VWA8: variants seen among roughly 807,000 people sequenced by gnomAD.
VWA8 encodes von Willebrand factor A domain-containing protein 8.
Under a neutral mutation model 241.5 loss-of-function variants are expected in VWA8, and 221 were observed. The observed-to-expected ratio is 0.91, with a 90% CI of 0.82 to 1.02. VWA8 has a LOEUF of 1.02. VWA8 is among the 50% of genes least tolerant of loss of function. The probability of loss-of-function intolerance (pLI) is 0.00; values close to 1 mark genes in which losing one functional copy is unlikely to be tolerated. For missense variants in VWA8, 2,322 were observed against 2,328.7 expected (o/e 1.00, Z 0.06); for synonymous variants, 852 against 827.1 (o/e 1.03, Z -0.52).
chr13:41,814,957 G>C (rs1178063311), intron 16 of VWA8, among the ~76,000 whole-genome samples: 1 of 152,158 alleles, frequency 6.6e-6, no homozygotes, highest in Non-Finnish European at 1.5e-5. Context: ...CAAAGAGTAA[G>C]AAGCCCTATA....
At chr13:41,951,738 C>A (rs534856677) in intron 1 of VWA8, among the ~76,000 whole-genome samples, 2 of 152,306 alleles carry the variant, frequency 1.3e-5, no homozygotes, top group East Asian at 3.9e-4. Flanking sequence ...GGCCTTAAAT[C>A]ATGGTACTAA....
chr13:41,881,379 G>T lies in VWA8; in HGVS notation c.1080+2008C>A, dbSNP rs1255791807. Among the ~76,000 whole-genome samples, 85 of 49,304 alleles carry T rather than the reference G, an allele frequency of 1.7e-3. 10 individuals are homozygous for T. The highest frequency in any genetic ancestry group is 5.6e-3 in the African/African-American group (79 of 14,064). The allele number at this position is 49,304 out of a possible 152,430, so 32.3% of individuals were successfully genotyped here. ...ATCATAGTTTTTTTTTGCCGGGGGGGGGGGGGGGGGGGTAAGGTCACAGAT... is the reference window on the plus strand; with the variant it reads ...ATCATAGTTTTTTTTTGCCGGGGGGTGGGGGGGGGGGGTAAGGTCACAGAT... On this transcript the variant is annotated intron_variant, in intron 9 of 44. Transcript: ENST00000379310.
intron 17 of VWA8, among the ~76,000 whole-genome samples, chr13:41,791,804 G>A (rs1000157498): frequency 2.6e-5 from 4 of 151,544 alleles, no homozygotes; most frequent in Non-Finnish European, 5.9e-5. Context: ...TGGACAGATG[G>A]GCTGTTTCCA....
intron 39 of VWA8, 128 bp from the exon 40 acceptor site, chr13:41,605,404 G>A: frequency 1.2e-6 from 1 of 837,928 alleles, no homozygotes; most frequent in South Asian, 1.5e-5. Flanking sequence ...AGGAGAAAAG[G>A]CAAGAAGTGA....
chr13:41,711,842 C>G (rs758979798), intron 26 of VWA8, among the ~76,000 whole-genome samples: 1 of 151,850 alleles, frequency 6.6e-6, no homozygotes, highest in Non-Finnish European at 1.5e-5. Context: ...CCACTGCACT[C>G]CAGCCTGGGC....
At chr13:41,868,533 GCTAT>G in intron 9 of VWA8, 56 bp from the exon 10 acceptor site, 4 of 1,548,176 alleles carry the variant, frequency 2.6e-6, no homozygotes, top group Non-Finnish European at 2.6e-6. Context: ...ATTAACATTG[GCTAT>G]CTGACAGATT....
chr13:41,686,798 T>C (rs2045139376), intron 34 of VWA8, among the ~76,000 whole-genome samples: 1 of 152,154 alleles, frequency 6.6e-6, no homozygotes. Context: ...TGCTCCACTC[T>C]ACCTGCTTGG....
chr13:41,659,429 T>C (rs2044933481), intron 37 of VWA8, among the ~76,000 whole-genome samples: 1 of 152,238 alleles, frequency 6.6e-6, no homozygotes, highest in Admixed American at 6.5e-5. Context: ...TTTGTCTCTG[T>C]ACACTGAGAA....
At chr13:41,616,422 C>T (rs1312220254) in intron 37 of VWA8, among the ~76,000 whole-genome samples, 1 of 152,074 alleles carries the variant, frequency 6.6e-6, no homozygotes, top group Non-Finnish European at 1.5e-5. Context: ...CACACATAAT[C>T]ATGCTCTAAA....
At position 41,664,092 on chromosome 13, in the gene VWA8, C is replaced by T. The variant is rs116090276; in HGVS notation, c.4611+6854G>A. The stretch of plus-strand genomic sequence containing the variant: ...TTCTTGGTTTACTCCCTTTTTTTAG[C>T]GACAGCACATCATGCAGTAGCTTCT... On this transcript the variant is annotated intron_variant, in intron 37 of 44. Transcript: ENST00000379310. 2.1e-3 allele frequency among the ~76,000 whole-genome samples: 312 copies of T among 151,894 alleles called. 2 individuals are homozygous for T. Among genetic ancestry groups the T allele is most frequent in the South Asian group, 0.011 (54 of 4,802 alleles).
chr13:41,757,528 C>T (rs755253749), intron 21 of VWA8, among the ~76,000 whole-genome samples: 1 of 151,462 alleles, frequency 6.6e-6, no homozygotes, highest in Non-Finnish European at 1.5e-5. Flanking sequence ...TAGGGTATGA[C>T]TGATCCTGCC....
intron 22 of VWA8, among the ~76,000 whole-genome samples, chr13:41,729,932 T>G (rs1014851411): frequency 1.3e-5 from 2 of 152,044 alleles, no homozygotes; most frequent in African/African-American, 4.8e-5. Flanking sequence ...TCTTTTTATT[T>G]CATTTTAGTA....
At chr13:41,691,691 T>C (rs1048295470) in intron 31 of VWA8, among the ~76,000 whole-genome samples, 183 bp downstream of exon 31, 1 of 152,110 alleles carries the variant, frequency 6.6e-6, no homozygotes, top group Admixed American at 6.6e-5. Flanking sequence ...TGTCATGGAA[T>C]TGTGAGCACT....
chr13:41,701,510 T>G lies in VWA8; in HGVS notation c.3246A>C (p.Ile1082=). Residue 1082 remains isoleucine, a synonymous_variant, in exon 28 of 45, where the codon ATA becomes ATC. Coordinates refer to ENST00000379310, the MANE Select transcript of VWA8 (RefSeq NM_015058.2). ...IDIKGPALIN[I]QEYPIERHEE... ...CATGTCTTTCTATTGGATACTCCTGTATATTTATAAGTGCTGGACCCTATA... is the reference window on the plus strand; with the variant it reads ...CATGTCTTTCTATTGGATACTCCTGGATATTTATAAGTGCTGGACCCTATA... 1.2e-6 allele frequency: 2 copies of G among 1,608,802 alleles called. No individual in the cohort carries two copies. Among genetic ancestry groups the G allele is most frequent in the Non-Finnish European group, 1.7e-6 (2 of 1,177,958 alleles).
intron 2 of VWA8, among the ~76,000 whole-genome samples, chr13:41,947,862 G>C (rs147380262): frequency 1.5e-3 from 224 of 150,000 alleles, no homozygotes; most frequent in African/African-American, 5.2e-3. Context: ...AACCTGGGAG[G>C]GGGAGGTTGC....
chr13:41,912,275 ATG>A (rs1415527384), intron 2 of VWA8, 107 bp from the exon 3 acceptor site: 19 of 822,986 alleles, frequency 2.3e-5, no homozygotes, highest in Non-Finnish European at 3.1e-5. Context: ...TATATAAAAT[ATG>A]TGTTTATCTG....
chr13:41,757,007 T>C (rs2045698896), intron 21 of VWA8, among the ~76,000 whole-genome samples: 1 of 151,728 alleles, frequency 6.6e-6, no homozygotes, highest in African/African-American at 2.4e-5. Flanking sequence ...AACTCAAAAG[T>C]TGGAATTATG....
chr13:41,865,588 C>T, intron 12 of VWA8, 148 bp downstream of exon 12: 1 of 777,282 alleles, frequency 1.3e-6, no homozygotes, highest in East Asian at 2.8e-5. Context: ...ATTATAATTG[C>T]ACTTTAATTT....
chr13:41,954,381 A>G (rs1196942834), intron 1 of VWA8, among the ~76,000 whole-genome samples: 1 of 152,114 alleles, frequency 6.6e-6, no homozygotes, highest in African/African-American at 2.4e-5. Context: ...TGTGCGCCTA[A>G]CCACCTCTAA....
Sources: gnomAD v4.1 joint callset for allele counts (sites outside exome capture counted in the v4.1 genomes callset) on GRCh38, gnomAD v4.1.1 for gene constraint, MANE v1.5 for transcripts, NCBI Gene and HGNC (gene_info 2026-07-23, HGNC 2026-07-21) for gene names.